SCAMP2: variants seen among roughly 807,000 people sequenced by gnomAD.
The protein encoded by SCAMP2 is secretory carrier membrane protein 2, also known as secretory carrier-associated membrane protein 2.
A neutral mutation model predicts 44.1 loss-of-function variants in SCAMP2; 25 were observed. The observed-to-expected ratio is 0.57, with a 90% confidence interval of 0.41 to 0.79. The LOEUF is 0.79. SCAMP2 is among the 30% of genes least tolerant of loss of function. The probability of loss-of-function intolerance (pLI) is 0.00; values close to 1 mark genes in which losing one functional copy is unlikely to be tolerated. For synonymous variants in SCAMP2, 156 were observed against 166.0 expected (o/e 0.94, Z 0.46); for missense variants, 355 against 411.0 (o/e 0.86, Z 1.18).
chr15:74,847,989 A>T (rs1469810860), intron 7 of SCAMP2, among the ~76,000 whole-genome samples: 1 of 152,118 alleles, frequency 6.6e-6, no homozygotes, highest in East Asian at 1.9e-4. Flanking sequence ...CCAGTGCAGG[A>T]CACTGTCATG....
At chr15:74,873,149 C>T (rs1355571439) in intron 1 of SCAMP2, 50 bp downstream of exon 1, 1 of 1,393,608 alleles carries the variant, frequency 7.2e-7, no homozygotes, top group Non-Finnish European at 9.4e-7. Context: ...GGGCGGCGGC[C>T]GTGGGCCCTA....
intron 1 of SCAMP2, among the ~76,000 whole-genome samples, chr15:74,862,863 C>CAT (rs1396988567): frequency 1.5e-5 from 1 of 68,336 alleles, no homozygotes; most frequent in Non-Finnish European, 3.8e-5. Flanking sequence ...TACACACACA[C>CAT]ACACACACAC....
intron 3 of SCAMP2, chr15:74,853,458 T>C (rs1482713919): frequency 2.2e-6 from 1 of 456,438 alleles, no homozygotes; most frequent in Non-Finnish European, 4.4e-6. Flanking sequence ...CTGCCAGGAA[T>C]TGGGCAGGCG....
chr15:74,868,525 G>A (rs1035817558), intron 1 of SCAMP2, among the ~76,000 whole-genome samples: 6 of 152,120 alleles, frequency 3.9e-5, no homozygotes, highest in African/African-American at 1.4e-4. Flanking sequence ...CAAACTAACA[G>A]GCCTTGTGAA....
At chr15:74,845,304 C>G in intron 8 of SCAMP2, 87 bp from the exon 9 acceptor site, 2 of 1,586,094 alleles carry the variant, frequency 1.3e-6, no homozygotes, top group Non-Finnish European at 1.7e-6. Context: ...AAAGGGGTCA[C>G]CAGAAGCCTG....
In SCAMP2 at chr15:74,845,035, T is replaced by C. The variant is rs756162934; in HGVS notation, c.*48A>G. On this transcript the variant is annotated 3_prime_UTR_variant, in exon 9 of 9. Coordinates refer to ENST00000268099, the MANE Select transcript of SCAMP2 (RefSeq NM_005697.5). ...ATAAGGCACCCACGGAAAGTGCAGC[T>C]CAGAAGGCAGGCGAGAGAAAGGCTG... is the stretch of plus-strand genomic sequence containing the variant. The C allele has an allele frequency of 6.3e-7, 1 of 1,590,918 alleles. No individual in the cohort carries two copies. Among genetic ancestry groups the C allele is most frequent in the East Asian group, 2.2e-5 (1 of 44,528 alleles).
intron 1 of SCAMP2, among the ~76,000 whole-genome samples, chr15:74,862,750 A>G (rs1412601819): frequency 2.7e-5 from 4 of 146,670 alleles, no homozygotes; most frequent in Non-Finnish European, 4.5e-5. Flanking sequence ...TGAACCAGGG[A>G]GGTAAAGGTT....
At chr15:74,858,320 A>AC in intron 1 of SCAMP2, among the ~76,000 whole-genome samples, 1 of 151,798 alleles carries the variant, frequency 6.6e-6, no homozygotes, top group South Asian at 2.1e-4. Flanking sequence ...AAGACTTATG[A>AC]CCCCCTAATC....
intron 3 of SCAMP2, chr15:74,853,630 G>A (rs538079107): frequency 2.2e-4 from 81 of 363,612 alleles, no homozygotes; most frequent in Middle Eastern, 1.1e-3. Context: ...AAGGGACAAA[G>A]GAAGACAGGA....
At position 74,873,075 on chromosome 15, in the gene SCAMP2, C is replaced by T. The variant is rs1000350021; in HGVS notation, c.57+124G>A. The T allele has an allele frequency of 6.0e-6, 5 of 833,804 alleles. No homozygotes were observed. In the African/African-American group the frequency reaches 7.3e-5, roughly 12 times the overall value. 51.7% of individuals were successfully genotyped at this position (833,804 alleles called of 1,614,324 possible). A position where few individuals can be genotyped will look rare whatever the true frequency, so the allele number is the denominator to read the frequency against. ...ACGATAGGCCAGACCTCAAAGCCCGCTCTCCCATTGGGCAGATGACCCGTC... is the reference window on the plus strand; with the variant it reads ...ACGATAGGCCAGACCTCAAAGCCCGTTCTCCCATTGGGCAGATGACCCGTC... On this transcript the variant is annotated intron_variant, in intron 1 of 8. Coordinates refer to ENST00000268099, the MANE Select transcript of SCAMP2 (RefSeq NM_005697.5).
intron 5 of SCAMP2, 106 bp downstream of exon 5, chr15:74,851,247 G>T: frequency 7.6e-7 from 1 of 1,320,482 alleles, no homozygotes; most frequent in Non-Finnish European, 1.1e-6. Flanking sequence ...GAAGGCTGGA[G>T]TCTGCTGAAA....
chr15:74,858,404 TGAGA>T (rs1336491257), intron 1 of SCAMP2, among the ~76,000 whole-genome samples: 1 of 152,180 alleles, frequency 6.6e-6, no homozygotes, highest in Admixed American at 6.6e-5. Flanking sequence ...TTGAGAGAGC[TGAGA>T]GAGTCACTCC....
At chr15:74,845,640 C>T in intron 7 of SCAMP2, 47 bp from the exon 8 acceptor site, 1 of 1,609,734 alleles carries the variant, frequency 6.2e-7, no homozygotes, top group Non-Finnish European at 8.5e-7. Context: ...GGAGTGGGCT[C>T]CAAAAGTCAG....
At chr15:74,848,548 G>C in intron 7 of SCAMP2, 52 bp downstream of exon 7, 2 of 1,194,928 alleles carry the variant, frequency 1.7e-6, no homozygotes, top group South Asian at 2.5e-5. Flanking sequence ...GGGCAAGAGA[G>C]GCTGAGTCCC....
chr15:74,857,492 T>C (rs1425870910), intron 1 of SCAMP2, among the ~76,000 whole-genome samples: 1 of 152,132 alleles, frequency 6.6e-6, no homozygotes, highest in Non-Finnish European at 1.5e-5. Flanking sequence ...GGATCTACCA[T>C]CCACAGAAGT....
intron 3 of SCAMP2, 78 bp downstream of exon 3, chr15:74,853,943 C>G: frequency 7.6e-7 from 1 of 1,324,206 alleles, no homozygotes; most frequent in Non-Finnish European, 1.1e-6. Context: ...CTGCTTGCCC[C>G]CAGCCTCAGG....
At chr15:74,848,350 G>T in intron 7 of SCAMP2, 1 of 337,974 alleles carries the variant, frequency 3.0e-6, no homozygotes, top group Non-Finnish European at 5.4e-6. Context: ...TTCCAGGCAT[G>T]AGCCACTGCA....
chr15:74,872,867 T>C (rs557094850), intron 1 of SCAMP2: 7 of 294,830 alleles, frequency 2.4e-5, no homozygotes, highest in African/African-American at 4.3e-5. Context: ...GGGAATGCGA[T>C]AGCCACATTT....
intron 6 of SCAMP2, among the ~76,000 whole-genome samples, 179 bp from the exon 7 acceptor site, chr15:74,848,880 G>C (rs2064416352): frequency 6.6e-6 from 1 of 152,036 alleles, no homozygotes. Flanking sequence ...CCATAATCAA[G>C]AAGAGCTTGC....
Sources: gnomAD v4.1 joint callset for allele counts (sites outside exome capture counted in the v4.1 genomes callset) on GRCh38, gnomAD v4.1.1 for gene constraint, MANE v1.5 for transcripts, NCBI Gene and HGNC (gene_info 2026-07-23, HGNC 2026-07-21) for gene names.